The following PPP1R12A variants were observed in gnomAD, a reference collection of about 807,000 sequenced individuals.
PPP1R12A encodes the protein myosin binding subunit.
Under a neutral mutation model 139.6 loss-of-function variants are expected in PPP1R12A, and 19 were observed. That is an observed-to-expected ratio of 0.14 (90% CI 0.09 to 0.20). PPP1R12A has a LOEUF of 0.20. Ranked by LOEUF, PPP1R12A falls within the 10% of genes least tolerant of loss-of-function variation. The pLI is 1.00. For missense variants in PPP1R12A, 925 were observed against 1,211.5 expected (o/e 0.76, Z 3.51); for synonymous variants, 427 against 420.6 (o/e 1.02, Z -0.19).
intron 3 of PPP1R12A, among the ~76,000 whole-genome samples, chr12:79,835,429 C>T (rs981596887): frequency 1.3e-5 from 2 of 152,156 alleles, no homozygotes; most frequent in Non-Finnish European, 2.9e-5. Context: ...GTATATCCTA[C>T]AGGTTCTGTC....
intron 20 of PPP1R12A, among the ~76,000 whole-genome samples, chr12:79,789,424 T>C (rs1871524194): frequency 6.6e-6 from 1 of 152,220 alleles, no homozygotes; most frequent in South Asian, 2.1e-4. Flanking sequence ...GTAGCACCTT[T>C]CCTTTTTTTC....
At chr12:79,806,553 T>C (rs987930195) in intron 12 of PPP1R12A, among the ~76,000 whole-genome samples, 2 of 152,206 alleles carry the variant, frequency 1.3e-5, no homozygotes, top group African/African-American at 4.8e-5. Context: ...TCCTCCCAAC[T>C]TTCTCAACAA....
chr12:79,864,887 G>A (rs1881791229), intron 2 of PPP1R12A, among the ~76,000 whole-genome samples: 1 of 152,132 alleles, frequency 6.6e-6, no homozygotes, highest in African/African-American at 2.4e-5. Context: ...TCTACCAGAG[G>A]TACAAAGAAG....
intron 3 of PPP1R12A, among the ~76,000 whole-genome samples, chr12:79,833,701 G>A (rs1219213462): frequency 6.6e-6 from 1 of 151,236 alleles, no homozygotes; most frequent in Non-Finnish European, 1.5e-5. Context: ...GCCAGGCATA[G>A]TGGCAGGTGC....
upstream of PPP1R12A, chr12:79,935,337 G>A (rs964884435): frequency 1.3e-5 from 13 of 1,025,464 alleles, no homozygotes; most frequent in Non-Finnish European, 1.3e-5. Flanking sequence ...CCCAGGCAGC[G>A]GGGGCTGGGA....
At chr12:79,933,846 T>G (rs1198751790) in intron 1 of PPP1R12A, among the ~76,000 whole-genome samples, 1 of 152,208 alleles carries the variant, frequency 6.6e-6, no homozygotes, top group Non-Finnish European at 1.5e-5. Flanking sequence ...CCAGCTTTCT[T>G]TTTTCCCAAC....
rs577418919 is a variant in PPP1R12A at position 79,902,832 on chromosome 12, A to G, written c.238-29894T>C. 7.2e-5 allele frequency among the ~76,000 whole-genome samples: 11 copies of G among 152,282 alleles called. No individual in the cohort carries two copies. In the South Asian group the frequency reaches 1.7e-3, roughly 23 times the overall value. ...CATGATGCCACAAGTGGAAAATTCC[A>G]CACCTGACCTTATGTGACAGATCAA... On this transcript the variant is annotated intron_variant, in intron 1 of 24. Coordinates refer to ENST00000450142, the MANE Select transcript of PPP1R12A (RefSeq NM_002480.3).
chr12:79,846,097 T>A (rs1026391720), intron 2 of PPP1R12A, among the ~76,000 whole-genome samples: 4 of 152,160 alleles, frequency 2.6e-5, no homozygotes, highest in African/African-American at 9.7e-5. Context: ...CATTAAATTA[T>A]TGCTTATCAT....
chr12:79,809,279 T>A (rs1246492601), intron 10 of PPP1R12A, among the ~76,000 whole-genome samples: 1 of 152,152 alleles, frequency 6.6e-6, no homozygotes, highest in Non-Finnish European at 1.5e-5. Context: ...AAATAAATAC[T>A]AGTATTGAAT....
intron 5 of PPP1R12A, among the ~76,000 whole-genome samples, chr12:79,823,370 A>T (rs1302387869): frequency 6.6e-6 from 1 of 152,192 alleles, no homozygotes; most frequent in Non-Finnish European, 1.5e-5. Flanking sequence ...CCACAACAAG[A>T]TCAGAATGGA....
intron 1 of PPP1R12A, among the ~76,000 whole-genome samples, chr12:79,900,325 G>T (rs1455347198): frequency 6.6e-6 from 1 of 152,102 alleles, no homozygotes; most frequent in Non-Finnish European, 1.5e-5. Flanking sequence ...CTACACACAT[G>T]CATATAGAAA....
rs138344866 is a variant in PPP1R12A at position 79,858,050 on chromosome 12, T to C, written c.369-12630A>G. On this transcript the variant is annotated intron_variant, in intron 2 of 24. Coordinates refer to ENST00000450142, the MANE Select transcript of PPP1R12A (RefSeq NM_002480.3). ...TATTTTCCTAAGATCTTAATTTCTCTAAGACTTCTAATCAAAATACATGAT... is the reference window on the plus strand; with the variant it reads ...TATTTTCCTAAGATCTTAATTTCTCCAAGACTTCTAATCAAAATACATGAT... 5.4e-3 allele frequency among the ~76,000 whole-genome samples: 823 copies of C among 152,308 alleles called. 5 individuals are homozygous for C. Among genetic ancestry groups the C allele is most frequent in the African/African-American group, 0.019 (782 of 41,560 alleles).
At chr12:79,823,630 G>A (rs944738293) in intron 5 of PPP1R12A, 1 of 141,388 alleles carries the variant, frequency 7.1e-6, no homozygotes, top group African/African-American at 2.6e-5. Context: ...ATCTTGCTCT[G>A]TTACCAAGGT....
chr12:79,786,572 A>C (rs1026446324), intron 21 of PPP1R12A, 94 bp from the exon 22 acceptor site: 1 of 750,628 alleles, frequency 1.3e-6, no homozygotes, highest in Non-Finnish European at 2.1e-6. Flanking sequence ...AAAACAGCTT[A>C]ATGTAGCATA....
At chr12:79,862,925 C>A in intron 2 of PPP1R12A, among the ~76,000 whole-genome samples, 1 of 152,174 alleles carries the variant, frequency 6.6e-6, no homozygotes, top group Non-Finnish European at 1.5e-5. Context: ...CTTCCCCAAC[C>A]TAGCAAGGCA....
chr12:79,822,952 T>C (rs1428259894), intron 5 of PPP1R12A, among the ~76,000 whole-genome samples: 2 of 152,140 alleles, frequency 1.3e-5, no homozygotes, highest in South Asian at 2.1e-4. Context: ...TTTGAGACTT[T>C]TTCTTTTTGA....
At chr12:79,897,220 G>C (rs374372255) in intron 1 of PPP1R12A, among the ~76,000 whole-genome samples, 20 of 152,288 alleles carry the variant, frequency 1.3e-4, no homozygotes, top group African/African-American at 4.8e-4. Context: ...AAAAAATAAC[G>C]AAATCATGTC....
At chr12:79,931,675 GA>G in intron 1 of PPP1R12A, among the ~76,000 whole-genome samples, 1 of 152,182 alleles carries the variant, frequency 6.6e-6, no homozygotes, top group East Asian at 1.9e-4. Flanking sequence ...ATCAGAAGCT[GA>G]TTATTGCCCC....
intron 1 of PPP1R12A, among the ~76,000 whole-genome samples, chr12:79,891,212 G>C (rs1373153241): frequency 2.0e-5 from 3 of 152,116 alleles, no homozygotes; most frequent in Non-Finnish European, 4.4e-5. Context: ...TATAATTCTG[G>C]ATCCTGGGGA....
Sources: gnomAD v4.1 joint callset for allele counts (sites outside exome capture counted in the v4.1 genomes callset) on GRCh38, gnomAD v4.1.1 for gene constraint, MANE v1.5 for transcripts, NCBI Gene and HGNC (gene_info 2026-07-23, HGNC 2026-07-21) for gene names.